The following PTCHD4 variants were observed in gnomAD, a reference collection of about 807,000 sequenced individuals.
PTCHD4 encodes patched domain containing 4.
In PTCHD4, 33 loss-of-function variants were observed where a neutral mutation model predicts 58.1. The ratio of observed to expected loss-of-function variants is 0.57; its 90% CI spans 0.43 to 0.76. The LOEUF (loss-of-function observed/expected upper bound fraction) is 0.76, where lower values mean the gene tolerates loss of function less well. Among genes scored for constraint, PTCHD4 ranks in the 30% least tolerant of loss-of-function variants. The probability of loss-of-function intolerance (pLI) is 0.00; values close to 1 mark genes in which losing one functional copy is unlikely to be tolerated. For synonymous variants in PTCHD4, 478 were observed against 409.6 expected (o/e 1.17, Z -2.02); for missense variants, 1,058 against 1,027.1 (o/e 1.03, Z -0.41).
intron 1 of PTCHD4, among the ~76,000 whole-genome samples, chr6:48,091,273 T>C (rs1765360990): frequency 1.3e-5 from 2 of 151,424 alleles, no homozygotes; most frequent in Admixed American, 6.6e-5. Context: ...AAGGTAATAA[T>C]AATAAAAAAT....
chr6:47,954,558 T>A (rs1334112486), intron 4 of PTCHD4, among the ~76,000 whole-genome samples: 1 of 152,150 alleles, frequency 6.6e-6, no homozygotes, highest in East Asian at 1.9e-4. Flanking sequence ...GACATGAACA[T>A]GAAGTACACT....
At chr6:47,944,746 A>G (rs1766353437) in intron 4 of PTCHD4, among the ~76,000 whole-genome samples, 1 of 152,096 alleles carries the variant, frequency 6.6e-6, no homozygotes, top group African/African-American at 2.4e-5. Context: ...TCCATTCATT[A>G]GTTCAACAAG....
chr6:48,064,976 T>C (rs1012009413), intron 3 of PTCHD4, among the ~76,000 whole-genome samples: 5 of 152,186 alleles, frequency 3.3e-5, no homozygotes, highest in Non-Finnish European at 7.4e-5. Flanking sequence ...TGGCTGCTTT[T>C]TTGATACCAG....
rs1297567432 is a variant in PTCHD4, at chr6:47,865,132, A to G, written c.*13171T>C. Among the ~76,000 whole-genome samples, 2 of 151,952 alleles carry G rather than the reference A, an allele frequency of 1.3e-5. No homozygotes were observed. The highest frequency in any genetic ancestry group is 2.9e-5 in the Non-Finnish European group (2 of 67,918). On this transcript the variant is annotated 3_prime_UTR_variant, in exon 5 of 5. Coordinates refer to ENST00000339488, the MANE Select transcript of PTCHD4 (RefSeq NM_001384253.1). ...TGTAGATTAATCTAGATACTATTGT[A>G]GTGTCTCTAGCTATAATACGTGCAT... is the stretch of plus-strand genomic sequence containing the variant.
rs777982819 is a variant in PTCHD4 at position 47,879,481 on chromosome 6, T to A, written c.1354A>T (p.Asn452Tyr). The A allele has an allele frequency of 6.2e-7, 1 of 1,613,706 alleles. No homozygotes were observed. The highest frequency in any genetic ancestry group is 1.1e-5 in the South Asian group (1 of 91,068). ...ACATATATATTGGTAATCCATTCAT[T>A]ATAATGTTCACGGAGGAAGTGCTGA... Reference protein sequence around the residue: ...FIQHFLREHYNEWITNIYVKP... With the variant: ...FIQHFLREHYYEWITNIYVKP... Residue 452 changes from asparagine to tyrosine, a missense_variant, in exon 5 of 5, where the codon AAT (asparagine) becomes TAT (tyrosine). Asn to Tyr is a moderately radical substitution (Grantham distance 143). Transcript: ENST00000339488.
chr6:47,865,643 C>T lies in PTCHD4; in HGVS notation c.*12660G>A, dbSNP rs1273948065. 6.6e-6 allele frequency among the ~76,000 whole-genome samples: 1 copy of T among 151,736 alleles called. No individual in the cohort carries two copies. Among genetic ancestry groups the T allele is most frequent in the Non-Finnish European group, 1.5e-5 (1 of 67,844 alleles). On this transcript the variant is annotated 3_prime_UTR_variant, in exon 5 of 5. Transcript: ENST00000339488. ...TATTTCTTCCTTTTTATATTCAGTG[C>T]CACAACTCTATTTCAGGCCAATATT...
chr6:47,941,942 C>T (rs923636983), intron 4 of PTCHD4, among the ~76,000 whole-genome samples: 6 of 152,160 alleles, frequency 3.9e-5, no homozygotes, highest in African/African-American at 1.4e-4. Flanking sequence ...TCAAGCATTA[C>T]TAGAATGTGG....
At chr6:48,067,104 C>T (rs975534569) in intron 3 of PTCHD4, among the ~76,000 whole-genome samples, 1 of 152,100 alleles carries the variant, frequency 6.6e-6, no homozygotes, top group African/African-American at 2.4e-5. Flanking sequence ...CTTGGCTGTG[C>T]AGCTTCTGGG....
intron 3 of PTCHD4, among the ~76,000 whole-genome samples, chr6:48,015,897 AAC>A (rs1444171629): frequency 7.2e-5 from 11 of 151,986 alleles, no homozygotes; most frequent in African/African-American, 2.7e-4. Context: ...AGATATATAT[AAC>A]TAATTATAGG....
chr6:47,949,006 C>A (rs1349046565), intron 4 of PTCHD4, among the ~76,000 whole-genome samples: 3 of 152,168 alleles, frequency 2.0e-5, no homozygotes, highest in African/African-American at 7.2e-5. Flanking sequence ...AAATTAAATG[C>A]TGTTCATGGA....
chr6:48,086,089 CACTATGATTT>C (rs1363122443), intron 1 of PTCHD4, among the ~76,000 whole-genome samples: 1 of 151,890 alleles, frequency 6.6e-6, no homozygotes, highest in Non-Finnish European at 1.5e-5. Flanking sequence ...ATAATTGTGT[CACTATGATTT>C]ACAGTGGACC....
At chr6:47,958,561 C>T (rs1766957832) in intron 4 of PTCHD4, among the ~76,000 whole-genome samples, 1 of 152,136 alleles carries the variant, frequency 6.6e-6, no homozygotes, top group Non-Finnish European at 1.5e-5. Context: ...CTGGTGTACT[C>T]CCTGAGTTGA....
intron 3 of PTCHD4, among the ~76,000 whole-genome samples, chr6:48,061,313 A>C (rs975940115): frequency 3.3e-5 from 5 of 152,230 alleles, no homozygotes; most frequent in Non-Finnish European, 5.9e-5. Flanking sequence ...GCTCAACTGT[A>C]GATGATAGGG....
At chr6:48,049,709 C>A (rs1026948126) in intron 3 of PTCHD4, among the ~76,000 whole-genome samples, 1 of 151,966 alleles carries the variant, frequency 6.6e-6, no homozygotes, top group African/African-American at 2.4e-5. Flanking sequence ...CTTGTAGACT[C>A]TCTGTATATA....
At chr6:47,883,744 C>T (rs1046327706) in intron 4 of PTCHD4, among the ~76,000 whole-genome samples, 3 of 152,104 alleles carry the variant, frequency 2.0e-5, no homozygotes, top group Non-Finnish European at 4.4e-5. Context: ...GGATGTTTAG[C>T]ACCATTCCAC....
chr6:48,044,174 CA>C (rs1763951200), intron 3 of PTCHD4, among the ~76,000 whole-genome samples: 1 of 151,726 alleles, frequency 6.6e-6, no homozygotes, highest in Non-Finnish European at 1.5e-5. Flanking sequence ...ATGAACTGAG[CA>C]ATTTTTTTGC....
At position 47,878,786 on chromosome 6, in the gene PTCHD4, G is replaced by C; in HGVS notation, c.2049C>G (p.Phe683Leu). 6.2e-7 allele frequency: 1 copy of C among 1,613,656 alleles called. No homozygotes were observed. Among genetic ancestry groups the C allele is most frequent in the Non-Finnish European group, 8.5e-7 (1 of 1,179,756 alleles). Residue 683 changes from phenylalanine (F) to leucine (L), a missense_variant, in exon 5 of 5, where the codon TTC becomes TTG. By Grantham distance (22) the Phe-to-Leu change is conservative (BLOSUM62 0). Transcript: ENST00000339488. Reference protein sequence around the residue: ...FFLVIHPLGNFWLILSVTSIE... With the variant: ...FFLVIHPLGNLWLILSVTSIE... ...TTGAGGTGACGCTAAGAATTAGCCA[G>C]AAGTTTCCCAGAGGGTGGATCACTA...
chr6:48,011,931 T>C (rs951016342), intron 3 of PTCHD4, among the ~76,000 whole-genome samples: 3 of 152,214 alleles, frequency 2.0e-5, no homozygotes, highest in African/African-American at 7.2e-5. Flanking sequence ...TATTGGTCTA[T>C]ATATCTGTTT....
At chr6:48,107,931 C>A (rs1436221369) in intron 1 of PTCHD4, among the ~76,000 whole-genome samples, 11 of 152,142 alleles carry the variant, frequency 7.2e-5, no homozygotes, top group Admixed American at 7.2e-4. Flanking sequence ...GAATGGAGAT[C>A]ATTAAAAAGT....
Sources: gnomAD v4.1 joint callset for allele counts (sites outside exome capture counted in the v4.1 genomes callset) on GRCh38, gnomAD v4.1.1 for gene constraint, MANE v1.5 for transcripts, NCBI Gene and HGNC (gene_info 2026-07-23, HGNC 2026-07-21) for gene names.